C5: variants seen among roughly 807,000 people sequenced by gnomAD.
The protein encoded by C5 is complement C5.
C5 carries 140 observed loss-of-function variants against 218.8 expected under a neutral mutation model. That is an observed-to-expected ratio of 0.64 (90% CI 0.56 to 0.74). C5 has a LOEUF of 0.74. Among genes scored for constraint, C5 ranks in the 30% least tolerant of loss-of-function variants. C5 has a pLI of 0.00. For synonymous variants in C5, 614 were observed against 682.3 expected, an observed-to-expected ratio of 0.90 and a Z score of 1.56; for missense variants, 1,700 against 1,969.6, an observed-to-expected ratio of 0.86 and a Z score of 2.59.
chr9:121,000,028 C>A (rs1251165295), intron 20 of C5: 1 of 320,200 alleles, frequency 3.1e-6, no homozygotes, highest in Non-Finnish European at 6.0e-6. Context: ...CATTGCACTC[C>A]AGCCTGGGCG....
At chr9:121,050,129 C>T (rs1477408066) in intron 1 of C5, 53 bp downstream of exon 1, 5 of 1,370,646 alleles carry the variant, frequency 3.6e-6, no homozygotes, top group African/African-American at 1.4e-5. Flanking sequence ...TTTAACTCTT[C>T]ATTCGTCATA....
At chr9:120,964,387 AC>A (rs1392671290) in intron 33 of C5, among the ~76,000 whole-genome samples, 1 of 152,150 alleles carries the variant, frequency 6.6e-6, no homozygotes, top group East Asian at 1.9e-4. Context: ...AATTGCTTGA[AC>A]CTGGGAGGCG....
intron 8 of C5, among the ~76,000 whole-genome samples, chr9:121,026,392 C>T (rs922497608): frequency 6.6e-6 from 1 of 152,160 alleles, no homozygotes; most frequent in East Asian, 1.9e-4. Flanking sequence ...AGAAACTATG[C>T]TGTCTCTGGG....
In C5 at chr9:121,021,622, C is replaced by T; in HGVS notation, c.1189G>A (p.Val397Ile). 4 of 1,613,868 alleles carry T rather than the reference C, an allele frequency of 2.5e-6. No individual in the cohort carries two copies. Among genetic ancestry groups the T allele is most frequent in the Non-Finnish European group, 3.4e-6 (4 of 1,179,776 alleles). Residue 397 changes from valine to isoleucine, a missense_variant, in exon 11 of 41, where the codon GTA (valine) becomes ATA (isoleucine). Physicochemically the swap from Val to Ile is conservative, Grantham distance 29 (BLOSUM62 3). Transcript: ENST00000223642. ...PVTLNAQTIDVNQETSDLDPS... is the reference protein window; with the variant it reads ...PVTLNAQTIDINQETSDLDPS... ...TCCAAGTCAGATGTCTCTTGGTTTA[C>T]ATCAATTGTTTGTGCATTCAGTGTT...
intron 11 of C5, among the ~76,000 whole-genome samples, chr9:121,020,414 T>C (rs973141816): frequency 3.3e-5 from 5 of 152,082 alleles, no homozygotes; most frequent in Non-Finnish European, 5.9e-5. Context: ...AAGTCTGAAA[T>C]GAAGAGAGAA....
Position 120,991,266 on chromosome 9 carries a change from G to A in C5, c.2866C>T (p.Arg956Ter), listed in dbSNP as rs1366830903. 15 of 1,601,998 alleles carry A rather than the reference G, an allele frequency of 9.4e-6. No homozygotes were observed. The highest frequency in any genetic ancestry group is 5.5e-5 in the South Asian group (5 of 90,850). Residue 956 changes from arginine (R) to a stop codon, truncating the protein, a stop_gained, in exon 23 of 41, where the codon CGA (arginine) becomes TGA (stop). Transcript: ENST00000223642. LOFTEE classifies it high-confidence loss of function. ...PRGIYGTISR[R>*]KEFPYRIPLD... Reference sequence around the variant, plus strand: ...GGTATCCTGTATGGGAACTCCTTTCGTCTGCTAATGGTACCTGTAATTTAG... The same window carrying A: ...GGTATCCTGTATGGGAACTCCTTTCATCTGCTAATGGTACCTGTAATTTAG...
chr9:120,999,565 T>C (rs2047143185), intron 20 of C5: 2 of 201,266 alleles, frequency 9.9e-6, no homozygotes, highest in South Asian at 1.4e-4. Flanking sequence ...CAGCTAAGGC[T>C]AAAAATACTG....
intron 20 of C5, 34 bp from the exon 21 acceptor site, chr9:120,997,808 ATT>A (rs34704763): frequency 3.4e-3 from 4,627 of 1,352,986 alleles, no homozygotes; most frequent in Middle Eastern, 6.1e-3. Context: ...ATCAAAATAC[ATT>A]TTTTTTTTTT....
upstream of C5, among the ~76,000 whole-genome samples, chr9:121,053,097 C>G (rs2047680909): frequency 6.6e-6 from 1 of 152,188 alleles, no homozygotes; most frequent in African/African-American, 2.4e-5. Context: ...TGACCCATAG[C>G]TGCCCCAGGT....
At chr9:121,026,414 A>G (rs1279435579) in intron 8 of C5, among the ~76,000 whole-genome samples, 1 of 152,226 alleles carries the variant, frequency 6.6e-6, no homozygotes, top group Admixed American at 6.5e-5. Flanking sequence ...ATATAAGGGA[A>G]ATGATTCAGA....
chr9:121,031,746 T>C (rs895988637), intron 6 of C5, among the ~76,000 whole-genome samples: 4 of 152,208 alleles, frequency 2.6e-5, no homozygotes, highest in African/African-American at 7.2e-5. Flanking sequence ...AAAAGAATTA[T>C]TGCAAAACAC....
chr9:120,991,121 A>C, intron 23 of C5, 70 bp downstream of exon 23: 1 of 934,562 alleles, frequency 1.1e-6, no homozygotes, highest in South Asian at 1.3e-5. Context: ...CAGAATAATC[A>C]TGAGGATATT....
At chr9:121,014,956 A>C (rs991884111) in intron 16 of C5, among the ~76,000 whole-genome samples, 33 of 152,288 alleles carry the variant, frequency 2.2e-4, no homozygotes, top group Admixed American at 2.1e-3. Context: ...AATAAAAGCT[A>C]ATATTTTGGA....
intron 15 of C5, 103 bp from the exon 16 acceptor site, chr9:121,015,364 C>A: frequency 1.4e-6 from 1 of 718,954 alleles, no homozygotes; most frequent in South Asian, 1.6e-5. Context: ...CTTCACAAGT[C>A]ATTCCTTAAC....
chr9:121,021,955 G>C (rs1436724604), intron 10 of C5, among the ~76,000 whole-genome samples: 3 of 151,606 alleles, frequency 2.0e-5, no homozygotes, highest in African/African-American at 7.3e-5. Flanking sequence ...CAAGTAGCTG[G>C]AACTATTTAG....
At position 121,006,981 on chromosome 9, in the gene C5, G is replaced by T. The variant is rs931284581; in HGVS notation, c.2349-4C>A. ...TAGGGCAAACTGCAACTGTTTTCTG[G>T]AAGTTAAAATGTTGATATTCAAATA... On this transcript the variant is annotated splice_region_variant and splice_polypyrimidine_tract_variant and intron_variant, in intron 18 of 40. Transcript: ENST00000223642. The T allele has an allele frequency of 6.2e-7, 1 of 1,604,352 alleles. No individual in the cohort carries two copies. The highest frequency in any genetic ancestry group is 8.5e-7 in the Non-Finnish European group (1 of 1,171,360).
intron 5 of C5, among the ~76,000 whole-genome samples, chr9:121,034,280 T>C (rs764917594): frequency 1.3e-5 from 2 of 152,200 alleles, no homozygotes; most frequent in African/African-American, 2.4e-5. Context: ...CTCCCTCTTA[T>C]TGTGATTTGC....
In C5 at chr9:120,989,554, C is replaced by CTT. The variant is rs762749415; in HGVS notation, c.3154+12_3154+13dup. Reference sequence around the variant, plus strand: ...AATCACCCAATTTTTATGTGAAATACTTTTTTTTTTTACCTTCTTTTAATT... The same window carrying CTT: ...AATCACCCAATTTTTATGTGAAATACTTTTTTTTTTTTTACCTTCTTTTAATT... On this transcript the variant is annotated intron_variant, in intron 24 of 40. Coordinates refer to ENST00000223642, the MANE Select transcript of C5 (RefSeq NM_001735.3). The CTT allele has an allele frequency of 1.4e-5, 16 of 1,151,300 alleles. No homozygotes were observed. Among genetic ancestry groups the CTT allele is most frequent in the Admixed American group, 2.1e-5 (1 of 47,016 alleles). The allele number at this position is 1,151,300 out of a possible 1,614,324, so 71.3% of individuals were successfully genotyped here. A position where few individuals can be genotyped will look rare whatever the true frequency, so the allele number is the denominator to read the frequency against.
intron 38 of C5, among the ~76,000 whole-genome samples, chr9:120,959,745 A>T (rs146739871): frequency 7.9e-5 from 12 of 152,350 alleles, no homozygotes; most frequent in African/African-American, 2.9e-4. Context: ...GCGCTGGACA[A>T]CTAGAAGCAC....
Sources: gnomAD v4.1 joint callset for allele counts (sites outside exome capture counted in the v4.1 genomes callset) on GRCh38, gnomAD v4.1.1 for gene constraint, MANE v1.5 for transcripts, NCBI Gene and HGNC (gene_info 2026-07-23, HGNC 2026-07-21) for gene names.